PARL: variants seen among roughly 807,000 people sequenced by gnomAD.
PARL encodes presenilin-associated rhomboid-like protein, mitochondrial.
A neutral mutation model predicts 51.6 loss-of-function variants in PARL; 44 were observed. The observed-to-expected ratio is 0.85, with a 90% CI of 0.67 to 1.10. The LOEUF is 1.10. PARL is among the 50% of genes least tolerant of loss of function. PARL has a pLI of 0.00. For missense variants in PARL, 441 were observed against 469.5 expected (o/e 0.94, Z 0.56); for synonymous variants, 172 against 164.0 (o/e 1.05, Z -0.37).
chr3:183,855,069 T>G (rs149759384), intron 4 of PARL, among the ~76,000 whole-genome samples: 27 of 152,162 alleles, frequency 1.8e-4, no homozygotes, highest in African/African-American at 6.3e-4. Context: ...ATTATGTGAC[T>G]TGATGTATAT....
chr3:183,875,138 G>A (rs112715385), intron 1 of PARL, among the ~76,000 whole-genome samples: 13 of 152,182 alleles, frequency 8.5e-5, no homozygotes, highest in African/African-American at 2.9e-4. Context: ...TAGTAGGCTG[G>A]GTGTGGTGGC....
intron 1 of PARL, among the ~76,000 whole-genome samples, chr3:183,870,557 T>G (rs575940031): frequency 6.6e-6 from 1 of 152,220 alleles, no homozygotes; most frequent in East Asian, 1.9e-4. Flanking sequence ...AGCTCATCCC[T>G]TCTGGCCTGG....
chr3:183,882,424 G>T (rs1734671155), intron 1 of PARL, among the ~76,000 whole-genome samples: 1 of 149,582 alleles, frequency 6.7e-6, no homozygotes, highest in African/African-American at 2.5e-5. Context: ...TATAGAGAGA[G>T]AGAGAGAGAG....
At chr3:183,856,088 C>T (rs1731148014) in intron 4 of PARL, among the ~76,000 whole-genome samples, 1 of 152,090 alleles carries the variant, frequency 6.6e-6, no homozygotes. Flanking sequence ...GGAACCCCTG[C>T]TTTAAATGGT....
At chr3:183,842,829 A>AT (rs1729492802) in intron 5 of PARL, among the ~76,000 whole-genome samples, 1 of 71,554 alleles carries the variant, frequency 1.4e-5, no homozygotes, top group African/African-American at 5.8e-5. Flanking sequence ...AAAAAAAAAA[A>AT]TTTATGAAAC....
chr3:183,826,631 A>C (rs942857673), downstream of PARL: 12 of 985,406 alleles, frequency 1.2e-5, no homozygotes, highest in Middle Eastern at 5.2e-4. Flanking sequence ...AAGTTGTAGC[A>C]AAGTGACATG....
At chr3:183,826,840 C>T, downstream of PARL, 1 of 910,952 alleles carries the variant, frequency 1.1e-6, no homozygotes, top group Non-Finnish European at 1.3e-6. Context: ...TAAAATTCTC[C>T]ATCTCGCAGG....
At chr3:183,863,005 C>A (rs1436500497) in intron 3 of PARL, among the ~76,000 whole-genome samples, 2 of 152,166 alleles carry the variant, frequency 1.3e-5, no homozygotes, top group Non-Finnish European at 2.9e-5. Context: ...ACAGAACCAA[C>A]CACTGGATAG....
intron 1 of PARL, among the ~76,000 whole-genome samples, chr3:183,881,121 ATTT>A (rs10589229): frequency 0.42 from 58,916 of 139,504 alleles, 12,447 homozygotes; most frequent in Middle Eastern, 0.54. Context: ...GCCTTTGTGC[ATTT>A]TTTTTTTTTT....
intron 4 of PARL, among the ~76,000 whole-genome samples, chr3:183,850,211 C>T (rs1166896313): frequency 6.6e-6 from 1 of 152,146 alleles, no homozygotes; most frequent in African/African-American, 2.4e-5. Flanking sequence ...AGTCTGAAAT[C>T]AAGGTGTAAA....
At chr3:183,846,437 G>C in intron 4 of PARL, 2 of 743,624 alleles carry the variant, frequency 2.7e-6, no homozygotes, top group Non-Finnish European at 3.3e-6. Context: ...AGGTTGAGGT[G>C]AGCCGAGATC....
chr3:183,847,280 C>A (rs997432660), intron 4 of PARL, among the ~76,000 whole-genome samples: 3 of 152,112 alleles, frequency 2.0e-5, no homozygotes, highest in Non-Finnish European at 4.4e-5. Context: ...TTGAACGGGC[C>A]GGGTGTGGTG....
intron 1 of PARL, among the ~76,000 whole-genome samples, chr3:183,876,771 T>C (rs1733900988): frequency 1.3e-5 from 2 of 152,102 alleles, no homozygotes; most frequent in African/African-American, 2.4e-5. Flanking sequence ...CCATTCTAGA[T>C]GTCATCGGGA....
At chr3:183,857,205 T>C (rs754522130) in intron 4 of PARL, among the ~76,000 whole-genome samples, 11 of 152,316 alleles carry the variant, frequency 7.2e-5, no homozygotes, top group Admixed American at 3.3e-4. Flanking sequence ...GCCGTGATCA[T>C]GCCACTGCAC....
At chr3:183,872,588 A>G (rs891973473) in intron 1 of PARL, among the ~76,000 whole-genome samples, 1 of 152,158 alleles carries the variant, frequency 6.6e-6, no homozygotes, top group Non-Finnish European at 1.5e-5. Context: ...ATCCTTTAGC[A>G]AACCCTGTTG....
rs376335908 is a variant in PARL, at chr3:183,829,556, G to A, written c.*42C>T. The A allele has an allele frequency of 3.1e-6, 5 of 1,614,014 alleles. No individual in the cohort carries two copies. The African/African-American group carries it at 4.0e-5, about 13-fold the overall frequency. On this transcript the variant is annotated 3_prime_UTR_variant, in exon 10 of 10. Transcript: ENST00000317096. The stretch of plus-strand genomic sequence containing the variant: ...TAGCCGATGTCTCCTGGGGCTCTCA[G>A]GCGGCAAGGACCAGATGCACCACTA...
At chr3:183,875,127 ATAG>A (rs575207236) in intron 1 of PARL, among the ~76,000 whole-genome samples, 1 of 152,124 alleles carries the variant, frequency 6.6e-6, no homozygotes, top group Non-Finnish European at 1.5e-5. Flanking sequence ...GAAGAGAAAA[ATAG>A]TAGGCTGGGT....
intron 1 of PARL, among the ~76,000 whole-genome samples, chr3:183,873,004 T>TAAAAAAAC (rs1320225058): frequency 3.9e-5 from 6 of 152,178 alleles, no homozygotes; most frequent in Admixed American, 1.3e-4. Context: ...CAACCATCAG[T>TAAAAAAAC]TTATTTACTG....
rs374018489 is a variant in PARL, at chr3:183,837,514, C to T, written c.828+3056G>A. Among the ~76,000 whole-genome samples, 18 of 152,284 alleles carry T rather than the reference C, an allele frequency of 1.2e-4. 1 individual carries two copies. Among genetic ancestry groups the T allele is most frequent in the Admixed American group, 2.0e-4 (3 of 15,294 alleles). ...GCACCCTTGCTCCTCCTAGCCACAG[C>T]GACATTAGCAGAGGCACACTAGGTA... is the stretch of plus-strand genomic sequence containing the variant. On this transcript the variant is annotated intron_variant, in intron 7 of 9. Coordinates refer to ENST00000317096, the MANE Select transcript of PARL (RefSeq NM_018622.7).
Sources: allele counts gnomAD v4.1 joint callset (sites outside exome capture counted in the v4.1 genomes callset), GRCh38; gene constraint gnomAD v4.1.1; transcripts MANE v1.5; gene names NCBI Gene and HGNC (gene_info 2026-07-23, HGNC 2026-07-21).